COL14A1: variants seen among roughly 807,000 people sequenced by gnomAD.
The protein encoded by COL14A1 is collagen alpha-1(XIV) chain.
A neutral mutation model predicts 230.3 loss-of-function variants in COL14A1; 136 were observed. The observed-to-expected ratio is 0.59, with a 90% confidence interval of 0.51 to 0.68. COL14A1 has a LOEUF of 0.68. COL14A1 is among the 30% of genes least tolerant of loss of function. COL14A1 has a pLI of 0.00. For missense variants in COL14A1, 1,976 were observed against 2,215.8 expected (o/e 0.89, Z 2.17); for synonymous variants, 792 against 784.1 (o/e 1.01, Z -0.17).
In COL14A1 at chr8:120,371,408, T is replaced by A. The variant is rs1812153663; in HGVS notation, c.*177T>A. Reference sequence around the variant, plus strand: ...TTATTATTAACAAAAAATATATATTTTTAAAAAGTTCCCTTAATCTATGAC... The same window carrying A: ...TTATTATTAACAAAAAATATATATTATTAAAAAGTTCCCTTAATCTATGAC... On this transcript the variant is annotated 3_prime_UTR_variant, in exon 48 of 48. Coordinates refer to ENST00000297848, the MANE Select transcript of COL14A1 (RefSeq NM_021110.4). 1 of 388,488 alleles carries A rather than the reference T, an allele frequency of 2.6e-6. No individual in the cohort carries two copies. The highest frequency in any genetic ancestry group is 4.5e-6 in the Non-Finnish European group (1 of 222,368). The allele number at this position is 388,488 out of a possible 1,614,324, so 24.1% of individuals were successfully genotyped here. A position where few individuals can be genotyped will look rare whatever the true frequency, so the allele number is the denominator to read the frequency against.
chr8:120,285,048 G>A (rs890163195), intron 32 of COL14A1, among the ~76,000 whole-genome samples: 2 of 152,060 alleles, frequency 1.3e-5, no homozygotes, highest in African/African-American at 4.8e-5. Context: ...CCTTGTAATA[G>A]GAATAATTTA....
chr8:120,332,113 G>C (rs1224748015), intron 40 of COL14A1, 28 bp from the exon 41 acceptor site: 2 of 1,612,072 alleles, frequency 1.2e-6, no homozygotes, highest in Middle Eastern at 1.7e-4. Flanking sequence ...GCAACCACTT[G>C]CTGACATGCT....
At chr8:120,130,405 C>T (rs1194684577) in intron 1 of COL14A1, among the ~76,000 whole-genome samples, 1 of 152,018 alleles carries the variant, frequency 6.6e-6, no homozygotes, top group Non-Finnish European at 1.5e-5. Flanking sequence ...TCTCTTTTCC[C>T]CTTATTTTTT....
rs769761647 is a variant in COL14A1, at chr8:120,228,750, T to G, written c.2178T>G (p.Pro726=). 6.2e-7 allele frequency: 1 copy of G among 1,613,944 alleles called. No homozygotes were observed. Among genetic ancestry groups the G allele is most frequent in the East Asian group, 2.2e-5 (1 of 44,862 alleles). ...CAGAACCAGCTACAACCATAGTGCCTACCACATCTGTGACTTCAGGTAAGG... is the reference window on the plus strand; with the variant it reads ...CAGAACCAGCTACAACCATAGTGCCGACCACATCTGTGACTTCAGGTAAGG... ...FWTEPATTIV[P]TTSVTSVFQT... is the part of the protein sequence containing the mutation. Residue 726 remains proline (P), a synonymous_variant, in exon 18 of 48, where the codon CCT becomes CCG. Coordinates refer to ENST00000297848, the MANE Select transcript of COL14A1 (RefSeq NM_021110.4).
rs780727061 is a variant in COL14A1 at position 120,266,854 on chromosome 8, T to G, written c.3044T>G (p.Phe1015Cys). 2 of 1,612,270 alleles carry G rather than the reference T, an allele frequency of 1.2e-6. No individual in the cohort carries two copies. The highest frequency in any genetic ancestry group is 2.7e-5 in the African/African-American group (2 of 74,806). ...TQSLPTRPPT[F>C]PPTIPPAKEV... Reference sequence around the variant, plus strand: ...TCACTTCCTACACGACCACCAACTTTTCCTCCAACCATTCCACCAGCAAAA... The same window carrying G: ...TCACTTCCTACACGACCACCAACTTGTCCTCCAACCATTCCACCAGCAAAA... Residue 1015 changes from phenylalanine to cysteine, a missense_variant, in exon 25 of 48, where the codon TTT (phenylalanine) becomes TGT (cysteine). This residue lies in a region of COL14A1 where 1,791 missense variants were observed against 2,019.5 expected (regional missense o/e 0.89). Coordinates refer to ENST00000297848, the MANE Select transcript of COL14A1 (RefSeq NM_021110.4).
At position 120,371,352 on chromosome 8, in the gene COL14A1, A is replaced by T. The variant is rs377460338; in HGVS notation, c.*121A>T. 1.2e-5 allele frequency: 6 copies of T among 518,722 alleles called. No individual in the cohort carries two copies. Among genetic ancestry groups the T allele is most frequent in the East Asian group, 6.3e-5 (2 of 31,730 alleles). 32.1% of individuals were successfully genotyped at this position (518,722 alleles called of 1,614,324 possible). A position where few individuals can be genotyped will look rare whatever the true frequency, so the allele number is the denominator to read the frequency against. ...GGCAGGGCTCATTTCAGCAGCCTAAATCTCCTCCTTGGATAATGTTAATAT... is the reference window on the plus strand; with the variant it reads ...GGCAGGGCTCATTTCAGCAGCCTAATTCTCCTCCTTGGATAATGTTAATAT... On this transcript the variant is annotated 3_prime_UTR_variant, in exon 48 of 48. Transcript: ENST00000297848.
chr8:120,270,047 C>T lies in COL14A1; in HGVS notation c.3086C>T (p.Ala1029Val). 1 of 1,611,054 alleles carries T rather than the reference C, an allele frequency of 6.2e-7. No homozygotes were observed. Among genetic ancestry groups the T allele is most frequent in the Non-Finnish European group, 8.5e-7 (1 of 1,178,060 alleles). The change falls in exon 26 of 48, where the codon GCC becomes GTC. Residue 1029 changes from alanine to valine, a missense_variant. By Grantham distance (64) the Ala-to-Val change is moderately conservative (BLOSUM62 0). Transcript: ENST00000297848. ...TGTTGGTCTTCAGTATGTAAGGCGG[C>T]CAAGGCTGACCTGGTATTTATGGTG... The part of the protein sequence containing the change: ...IPPAKEVCKA[A>V]KADLVFMVDG...
intron 20 of COL14A1, among the ~76,000 whole-genome samples, chr8:120,244,835 T>A (rs1818715277): frequency 6.6e-6 from 1 of 152,182 alleles, no homozygotes; most frequent in South Asian, 2.1e-4. Flanking sequence ...TGAGGAGGTT[T>A]TCAGCAGATA....
At chr8:120,358,388 A>G (rs779054201) in intron 45 of COL14A1, among the ~76,000 whole-genome samples, 11 of 152,178 alleles carry the variant, frequency 7.2e-5, no homozygotes, top group Non-Finnish European at 1.0e-4. Context: ...AATACATGAA[A>G]TACAATAGTT....
At chr8:120,196,711 G>T in intron 5 of COL14A1, 80 bp from the exon 6 acceptor site, 1 of 1,417,320 alleles carries the variant, frequency 7.1e-7, no homozygotes, top group Non-Finnish European at 9.7e-7. Flanking sequence ...GCACTAAGTT[G>T]TCTAAAAGAC....
intron 4 of COL14A1, among the ~76,000 whole-genome samples, chr8:120,164,902 T>G (rs1215290018): frequency 2.6e-5 from 4 of 152,202 alleles, no homozygotes; most frequent in Non-Finnish European, 4.4e-5. Flanking sequence ...ATTTCAAACA[T>G]TCCACTGATT....
intron 14 of COL14A1, among the ~76,000 whole-genome samples, chr8:120,220,716 A>T (rs1212436014): frequency 1.3e-5 from 2 of 152,184 alleles, no homozygotes; most frequent in Non-Finnish European, 2.9e-5. Context: ...ACCAGGAAGA[A>T]AAACGAAACA....
chr8:120,284,272 A>C (rs11775222), intron 32 of COL14A1, among the ~76,000 whole-genome samples: 1 of 152,002 alleles, frequency 6.6e-6, no homozygotes, highest in East Asian at 1.9e-4. Flanking sequence ...GGTGGGATCA[A>C]CTAGAAAATG....
chr8:120,220,320 C>G (rs1817889072), intron 14 of COL14A1, among the ~76,000 whole-genome samples: 1 of 147,286 alleles, frequency 6.8e-6, no homozygotes, highest in South Asian at 2.1e-4. Context: ...TGTCTCCAGG[C>G]TGGAGTGCAG....
At chr8:120,370,400 C>G in intron 47 of COL14A1, 1 of 1,609,508 alleles carries the variant, frequency 6.2e-7, no homozygotes, top group Non-Finnish European at 8.5e-7. Context: ...TCCATTGGCC[C>G]CAGACATTTA....
chr8:120,329,037 G>A (rs1363562383), intron 40 of COL14A1, among the ~76,000 whole-genome samples: 3 of 152,164 alleles, frequency 2.0e-5, no homozygotes, highest in Non-Finnish European at 4.4e-5. Flanking sequence ...AGCAAAAGAT[G>A]CCTTTTTGGA....
intron 5 of COL14A1, among the ~76,000 whole-genome samples, chr8:120,171,556 C>G (rs1044224813): frequency 1.3e-5 from 2 of 152,148 alleles, no homozygotes; most frequent in Non-Finnish European, 2.9e-5. Context: ...CCTTCTGGCT[C>G]CTGTTGCTTT....
At chr8:120,172,393 T>C (rs2130598999) in intron 5 of COL14A1, among the ~76,000 whole-genome samples, 1 of 152,242 alleles carries the variant, frequency 6.6e-6, no homozygotes, top group Non-Finnish European at 1.5e-5. Context: ...TCAGGTGATC[T>C]ACCTGCCTCT....
Position 120,349,046 on chromosome 8 carries a change from C to T in COL14A1, c.5077+3483C>T, listed in dbSNP as rs563038127. On this transcript the variant is annotated intron_variant, in intron 45 of 47. Transcript: ENST00000297848. ...AGCACGCAGCTGGAGATCTGAGAAC[C>T]GGCAGACTGCCTCCTCAAGTGGGTC... 1.1e-4 allele frequency among the ~76,000 whole-genome samples: 16 copies of T among 152,210 alleles called. No individual in the cohort carries two copies. In the South Asian group the frequency reaches 2.3e-3, roughly 22 times the overall value.
Sources: gnomAD v4.1 joint callset for allele counts (sites outside exome capture counted in the v4.1 genomes callset) on GRCh38, gnomAD v4.1.1 for gene constraint, gnomAD v4.1.1 regional missense constraint, MANE v1.5 for transcripts, NCBI Gene and HGNC (gene_info 2026-07-23, HGNC 2026-07-21) for gene names.